The following FAM107B variants were observed in gnomAD, a reference collection of about 807,000 sequenced individuals.
FAM107B encodes protein FAM107B.
A neutral mutation model predicts 31.5 loss-of-function variants in FAM107B; 21 were observed. That is an observed-to-expected ratio of 0.67 (90% CI 0.47 to 0.96). The LOEUF is 0.96. FAM107B is among the 40% of genes least tolerant of loss of function. The pLI is 0.00. For missense variants in FAM107B, 452 were observed against 377.1 expected, an observed-to-expected ratio of 1.20 and a Z score of -1.64; for synonymous variants, 157 against 141.5, an observed-to-expected ratio of 1.11 and a Z score of -0.78.
intron 2 of FAM107B, among the ~76,000 whole-genome samples, chr10:14,577,938 G>T (rs761076391): frequency 3.8e-4 from 58 of 152,238 alleles, no homozygotes; most frequent in Middle Eastern, 6.8e-3. Flanking sequence ...TTTATTAAAG[G>T]TGGTATGGCT....
chr10:14,530,581 G>A, intron 2 of FAM107B, 66 bp from the exon 3 acceptor site: 1 of 1,481,590 alleles, frequency 6.7e-7, no homozygotes, highest in South Asian at 1.2e-5. Flanking sequence ...CACATGCAGA[G>A]GCCCACAGAG....
At chr10:14,655,327 T>C (rs1854018923) in intron 2 of FAM107B, among the ~76,000 whole-genome samples, 1 of 152,240 alleles carries the variant, frequency 6.6e-6, no homozygotes, top group Admixed American at 6.5e-5. Context: ...ATAGCAGTAG[T>C]AAGTAGTCAA....
intron 2 of FAM107B, among the ~76,000 whole-genome samples, chr10:14,620,867 T>C (rs1195298868): frequency 6.6e-6 from 1 of 152,248 alleles, no homozygotes; most frequent in Non-Finnish European, 1.5e-5. Context: ...GATTTCCTTA[T>C]CAATGTTTTG....
At chr10:14,574,173 T>C (rs1851393006) in intron 2 of FAM107B, among the ~76,000 whole-genome samples, 1 of 152,196 alleles carries the variant, frequency 6.6e-6, no homozygotes, top group Non-Finnish European at 1.5e-5. Flanking sequence ...TGAATTAGTA[T>C]GTAATAAATA....
At chr10:14,534,572 C>A (rs565937175) in intron 2 of FAM107B, among the ~76,000 whole-genome samples, 1 of 152,166 alleles carries the variant, frequency 6.6e-6, no homozygotes, top group Admixed American at 6.5e-5. Context: ...CCTCACACCC[C>A]GCCTTCCCTC....
intron 2 of FAM107B, among the ~76,000 whole-genome samples, chr10:14,556,713 T>C (rs1338638895): frequency 6.6e-6 from 1 of 152,264 alleles, no homozygotes; most frequent in Non-Finnish European, 1.5e-5. Context: ...CCAGATAGTT[T>C]TGTGGCTAAA....
chr10:14,720,407 C>T (rs1445590550), intron 1 of FAM107B, among the ~76,000 whole-genome samples: 2 of 152,286 alleles, frequency 1.3e-5, no homozygotes, highest in East Asian at 1.9e-4. Context: ...GCATGCACCA[C>T]CACACCTGGC....
intron 1 of FAM107B, among the ~76,000 whole-genome samples, chr10:14,762,513 A>G (rs560212153): frequency 2.6e-5 from 4 of 152,166 alleles, no homozygotes; most frequent in Admixed American, 2.6e-4. Context: ...AATGAAGTAT[A>G]AGAGGCCGAG....
At chr10:14,548,838 A>ACACACACGCG (rs145756736) in intron 2 of FAM107B, among the ~76,000 whole-genome samples, 4 of 151,298 alleles carry the variant, frequency 2.6e-5, no homozygotes, top group Non-Finnish European at 3.0e-5. Flanking sequence ...ACACACACGC[A>ACACACACGCG]CACACACACC....
intron 1 of FAM107B, among the ~76,000 whole-genome samples, chr10:14,691,893 C>CAAAAAAAAAAAAAAAAAAAAA: frequency 7.7e-6 from 1 of 129,204 alleles, no homozygotes; most frequent in African/African-American, 3.0e-5. Context: ...GACTCTGTCA[C>CAAAAAAAAAAAAAAAAAAAAA]AAAAAAAAAA....
chr10:14,554,601 C>T (rs1849539430), intron 2 of FAM107B, among the ~76,000 whole-genome samples: 1 of 152,144 alleles, frequency 6.6e-6, no homozygotes, highest in Admixed American at 6.5e-5. Flanking sequence ...TCAAACATGC[C>T]AGGAGTTCTG....
intron 2 of FAM107B, chr10:14,571,883 G>T (rs1283703022): frequency 2.0e-6 from 2 of 985,248 alleles, no homozygotes. Context: ...ACCCATCAAG[G>T]CCTAAGTGAC....
chr10:14,609,008 C>A (rs116495882), intron 2 of FAM107B, among the ~76,000 whole-genome samples: 1 of 152,194 alleles, frequency 6.6e-6, no homozygotes, highest in Admixed American at 6.5e-5. Context: ...ATAAAACCCA[C>A]AAAGACAGAT....
Position 14,655,711 on chromosome 10 carries a change from C to T in FAM107B, c.469+11923G>A, listed in dbSNP as rs144703419. On this transcript the variant is annotated intron_variant, in intron 2 of 4. Transcript: ENST00000181796. ...GGGAACAGGAGGAGAGGTGGGAAGC[C>T]GGGACAGGGGAGGGAAAGCAGCCAC... Among the ~76,000 whole-genome samples, 450 of 152,238 alleles carry T rather than the reference C, an allele frequency of 3.0e-3. 3 individuals are homozygous for T. The highest frequency in any genetic ancestry group is 0.01 in the African/African-American group (417 of 41,522).
intron 1 of FAM107B, among the ~76,000 whole-genome samples, chr10:14,766,461 C>A (rs140492891): frequency 6.6e-6 from 1 of 152,076 alleles, no homozygotes; most frequent in Admixed American, 6.6e-5. Flanking sequence ...AGTAGCCTCA[C>A]GGAGTTCCAG....
intron 1 of FAM107B, among the ~76,000 whole-genome samples, chr10:14,671,535 T>G (rs1292642076): frequency 1.3e-5 from 2 of 151,648 alleles, no homozygotes; most frequent in South Asian, 2.1e-4. Context: ...TGGTTGGAGG[T>G]TTTCTGGGGA....
chr10:14,768,807 C>T lies in FAM107B; in HGVS notation c.411+5446G>A, dbSNP rs78305900. Reference sequence around the variant, plus strand: ...TGGGGAGAATACGTGGCTCAGTCAGCGCAACCCTACCCATTAGTGCTCAAA... The same window carrying T: ...TGGGGAGAATACGTGGCTCAGTCAGTGCAACCCTACCCATTAGTGCTCAAA... On this transcript the variant is annotated intron_variant, in intron 1 of 4. Transcript: ENST00000181796. 0.013 allele frequency among the ~76,000 whole-genome samples: 1,917 copies of T among 152,292 alleles called. 108 individuals carry two copies. In the East Asian group the frequency reaches 0.16, roughly 13 times the overall value.
intron 2 of FAM107B, among the ~76,000 whole-genome samples, chr10:14,562,835 T>C (rs941338095): frequency 1.3e-5 from 2 of 152,232 alleles, no homozygotes; most frequent in Non-Finnish European, 2.9e-5. Context: ...GCATGCTAAT[T>C]TCCATGTTAT....
At chr10:14,635,907 C>A (rs1445120025) in intron 2 of FAM107B, among the ~76,000 whole-genome samples, 1 of 152,150 alleles carries the variant, frequency 6.6e-6, no homozygotes, top group African/African-American at 2.4e-5. Flanking sequence ...ATTGAGATTA[C>A]AGGCATGAGC....
Sources: gnomAD v4.1 joint callset for allele counts (sites outside exome capture counted in the v4.1 genomes callset) on GRCh38, gnomAD v4.1.1 for gene constraint, MANE v1.5 for transcripts, NCBI Gene and HGNC (gene_info 2026-07-23, HGNC 2026-07-21) for gene names.